Variants in PRKN observed in about 807,000 individuals in gnomAD.
PRKN encodes the protein parkin RBR E3 ubiquitin protein ligase, also known as E3 ubiquitin-protein ligase parkin.
In PRKN, 56 loss-of-function variants were observed where a neutral mutation model predicts 59.5. That is an observed-to-expected ratio of 0.94 (90% CI 0.76 to 1.18). The LOEUF (loss-of-function observed/expected upper bound fraction) is 1.18, where lower values mean the gene tolerates loss of function less well. PRKN is among the 50% of genes most tolerant of loss of function. The pLI is 0.00. For synonymous variants in PRKN, 250 were observed against 222.1 expected (o/e 1.13, Z -1.12); for missense variants, 657 against 596.4 (o/e 1.10, Z -1.06).
intron 7 of PRKN, among the ~76,000 whole-genome samples, chr6:161,623,569 T>A (rs1562565765): frequency 1.3e-5 from 2 of 152,204 alleles, no homozygotes; most frequent in Non-Finnish European, 2.9e-5. Context: ...AATCAAGCAT[T>A]TGTTATCTTT....
At chr6:162,571,464 ATAGT>A (rs1780323943) in intron 1 of PRKN, among the ~76,000 whole-genome samples, 1 of 152,190 alleles carries the variant, frequency 6.6e-6, no homozygotes, top group African/African-American at 2.4e-5. Context: ...ATCAGAGGCA[ATAGT>A]TAGGCAAAAA....
intron 2 of PRKN, among the ~76,000 whole-genome samples, chr6:162,308,219 C>T (rs1363306753): frequency 6.6e-6 from 1 of 152,090 alleles, no homozygotes; most frequent in Non-Finnish European, 1.5e-5. Context: ...TGAAATGCAG[C>T]CACTGTGGCA....
chr6:162,045,515 T>C (rs1784218236), intron 5 of PRKN, among the ~76,000 whole-genome samples: 1 of 152,244 alleles, frequency 6.6e-6, no homozygotes, highest in Non-Finnish European at 1.5e-5. Flanking sequence ...CGTGACATCG[T>C]CTCAGTTGTG....
At chr6:162,426,824 T>A (rs1789260932) in intron 2 of PRKN, among the ~76,000 whole-genome samples, 1 of 152,192 alleles carries the variant, frequency 6.6e-6, no homozygotes, top group Non-Finnish European at 1.5e-5. Flanking sequence ...AACTTTCACA[T>A]TAGACACAGA....
chr6:162,115,656 G>A (rs144482460), intron 4 of PRKN, among the ~76,000 whole-genome samples: 25 of 151,804 alleles, frequency 1.6e-4, no homozygotes, highest in African/African-American at 5.1e-4. Flanking sequence ...CATGAGCTTC[G>A]TCCAAATCAG....
intron 4 of PRKN, among the ~76,000 whole-genome samples, chr6:162,187,183 A>G (rs1784067872): frequency 6.6e-6 from 1 of 152,204 alleles, no homozygotes. Context: ...TCCAACAGAG[A>G]AAATCGGGGT....
At chr6:162,424,316 G>T (rs1429770687) in intron 2 of PRKN, among the ~76,000 whole-genome samples, 3 of 152,152 alleles carry the variant, frequency 2.0e-5, no homozygotes, top group African/African-American at 7.2e-5. Context: ...CAATCCTACA[G>T]TGTTGGATCC....
intron 1 of PRKN, among the ~76,000 whole-genome samples, chr6:162,540,186 G>A (rs1311728430): frequency 6.6e-6 from 1 of 152,074 alleles, no homozygotes; most frequent in Non-Finnish European, 1.5e-5. Flanking sequence ...AAAGTGCTGG[G>A]ATTACAGGCG....
chr6:162,262,333 C>A, intron 3 of PRKN, 192 bp downstream of exon 3: 4 of 722,002 alleles, frequency 5.5e-6, no homozygotes, highest in Middle Eastern at 2.4e-4. Context: ...TTTCATAGTA[C>A]TTACAATAAA....
chr6:162,655,706 C>G (rs1285575313), intron 1 of PRKN, among the ~76,000 whole-genome samples: 1 of 152,116 alleles, frequency 6.6e-6, no homozygotes, highest in East Asian at 1.9e-4. Flanking sequence ...GATAGATATA[C>G]AGAAAATGAG....
chr6:161,868,002 C>T (rs1199257082), intron 6 of PRKN, among the ~76,000 whole-genome samples: 1 of 151,670 alleles, frequency 6.6e-6, no homozygotes, highest in African/African-American at 2.4e-5. Flanking sequence ...CTCAGGTGAT[C>T]CACCACCCTC....
chr6:162,377,770 C>T (rs780425865), intron 2 of PRKN, among the ~76,000 whole-genome samples: 6 of 152,162 alleles, frequency 3.9e-5, no homozygotes, highest in African/African-American at 7.2e-5. Flanking sequence ...GAGGACAGCA[C>T]GGAGATTAGC....
chr6:161,619,981 C>CTT (rs71004058), intron 7 of PRKN, among the ~76,000 whole-genome samples: 235 of 63,144 alleles, frequency 3.7e-3, no homozygotes, highest in Non-Finnish European at 4.6e-3. Flanking sequence ...ACACATTATT[C>CTT]TTTTTTTTTT....
chr6:162,551,940 A>G (rs958895092), intron 1 of PRKN, among the ~76,000 whole-genome samples: 2 of 152,242 alleles, frequency 1.3e-5, no homozygotes, highest in African/African-American at 4.8e-5. Flanking sequence ...CAAAGTGTTC[A>G]CTATAAAATA....
At chr6:162,009,755 G>A (rs577302154) in intron 5 of PRKN, among the ~76,000 whole-genome samples, 2 of 151,634 alleles carry the variant, frequency 1.3e-5, no homozygotes, top group East Asian at 3.9e-4. Flanking sequence ...GGCCAACATA[G>A]CAAAACCCCA....
intron 1 of PRKN, among the ~76,000 whole-genome samples, chr6:162,475,333 CA>C (rs1189059667): frequency 2.0e-5 from 3 of 152,068 alleles, no homozygotes; most frequent in Admixed American, 1.3e-4. Flanking sequence ...TGTTGTGGGC[CA>C]AAAGCCACAA....
At chr6:162,338,217 T>C (rs1783936152) in intron 2 of PRKN, among the ~76,000 whole-genome samples, 1 of 152,112 alleles carries the variant, frequency 6.6e-6, no homozygotes, top group Non-Finnish European at 1.5e-5. Context: ...TAGGTAAATC[T>C]AAAAGAAGTA....
chr6:162,247,782 G>A (rs1779260020), intron 3 of PRKN, among the ~76,000 whole-genome samples: 1 of 152,038 alleles, frequency 6.6e-6, no homozygotes, highest in South Asian at 2.1e-4. Context: ...AATTATGAAA[G>A]GCAAAGTTTC....
intron 1 of PRKN, among the ~76,000 whole-genome samples, chr6:162,533,503 G>A (rs1329437428): frequency 2.0e-5 from 3 of 152,078 alleles, no homozygotes; most frequent in Non-Finnish European, 2.9e-5. Context: ...ACTCAAGCCT[G>A]GGTGACACAG....
Sources: gnomAD v4.1 joint callset for allele counts (sites outside exome capture counted in the v4.1 genomes callset) on GRCh38, gnomAD v4.1.1 for gene constraint, MANE v1.5 for transcripts, NCBI Gene and HGNC (gene_info 2026-07-23, HGNC 2026-07-21) for gene names.